The following KCND2 variants were observed in gnomAD, a reference collection of about 807,000 sequenced individuals.
The protein encoded by KCND2 is A-type voltage-gated potassium channel KCND2.
Under a neutral mutation model 54.4 loss-of-function variants are expected in KCND2, and 16 were observed. That is an observed-to-expected ratio of 0.29 (90% confidence interval 0.20 to 0.45). The LOEUF is 0.45. Among genes scored for constraint, KCND2 ranks in the 20% least tolerant of loss-of-function variants. KCND2 has a pLI of 1.00. For missense variants in KCND2, 486 were observed against 824.2 expected (o/e 0.59, Z 5.02); for synonymous variants, 317 against 310.7 (o/e 1.02, Z -0.21).
At chr7:120,723,736 A>T (rs1353579320) in intron 1 of KCND2, among the ~76,000 whole-genome samples, 3 of 152,188 alleles carry the variant, frequency 2.0e-5, no homozygotes, top group Admixed American at 6.5e-5. Flanking sequence ...CTCTTAAAAA[A>T]ATTAAAATTA....
intron 1 of KCND2, among the ~76,000 whole-genome samples, chr7:120,412,644 G>A (rs1347807872): frequency 4.6e-5 from 7 of 151,868 alleles, no homozygotes; most frequent in African/African-American, 7.3e-5. Context: ...CCCACCCTGT[G>A]CGGTCATCAA....
chr7:120,423,569 G>T (rs1294883654), intron 1 of KCND2, among the ~76,000 whole-genome samples: 1 of 152,162 alleles, frequency 6.6e-6, no homozygotes, highest in Non-Finnish European at 1.5e-5. Context: ...CTCCCATAAA[G>T]CTGTGTATCG....
chr7:120,529,546 T>C (rs1791818105), intron 1 of KCND2, among the ~76,000 whole-genome samples: 1 of 152,170 alleles, frequency 6.6e-6, no homozygotes, highest in African/African-American at 2.4e-5. Flanking sequence ...GTACGAGAAG[T>C]CACACTCTGC....
Position 120,323,458 on chromosome 7 carries a change from C to A in KCND2, c.1115+47711C>A, listed in dbSNP as rs1215236145. ...TGCTATCCCTCCCCACTCCCCCCAC[C>A]CCACAACAGTCCCCAGAGTGTGATG... On this transcript the variant is annotated intron_variant, in intron 1 of 5. Coordinates refer to ENST00000331113, the MANE Select transcript of KCND2 (RefSeq NM_012281.3). Among the ~76,000 whole-genome samples, 3 of 151,252 alleles carry A rather than the reference C, an allele frequency of 2.0e-5. No homozygotes were observed. In the East Asian group the frequency reaches 5.8e-4, roughly 29 times the overall value.
At chr7:120,733,551 T>C (rs758860479) in intron 2 of KCND2, among the ~76,000 whole-genome samples, 2 of 152,096 alleles carry the variant, frequency 1.3e-5, no homozygotes, top group Non-Finnish European at 2.9e-5. Flanking sequence ...CAGAAACAGA[T>C]TCTTGGCAAA....
At chr7:120,695,269 G>C (rs1291290208) in intron 1 of KCND2, among the ~76,000 whole-genome samples, 1 of 151,276 alleles carries the variant, frequency 6.6e-6, no homozygotes, top group Non-Finnish European at 1.5e-5. Flanking sequence ...TTTTATATAT[G>C]TATCCCATAA....
At chr7:120,503,564 C>T (rs1368894111) in intron 1 of KCND2, among the ~76,000 whole-genome samples, 1 of 151,778 alleles carries the variant, frequency 6.6e-6, no homozygotes, top group African/African-American at 2.4e-5. Context: ...TTCATTTTTC[C>T]ACCACTTCTC....
intron 1 of KCND2, among the ~76,000 whole-genome samples, chr7:120,353,711 A>T (rs1302308902): frequency 1.3e-5 from 2 of 152,150 alleles, no homozygotes; most frequent in African/African-American, 4.8e-5. Flanking sequence ...CCATAGACCT[A>T]TGGGGGTCTC....
intron 1 of KCND2, among the ~76,000 whole-genome samples, chr7:120,663,189 T>C (rs572707607): frequency 1.3e-5 from 2 of 152,278 alleles, no homozygotes; most frequent in African/African-American, 4.8e-5. Flanking sequence ...TTAGTACAAA[T>C]ATTATTACAT....
intron 1 of KCND2, among the ~76,000 whole-genome samples, chr7:120,686,612 G>A (rs931991944): frequency 2.0e-5 from 3 of 152,100 alleles, no homozygotes; most frequent in Non-Finnish European, 2.9e-5. Context: ...CAAAGTGGGG[G>A]ACTTGAGAGA....
intron 1 of KCND2, among the ~76,000 whole-genome samples, chr7:120,284,078 A>C (rs1799302986): frequency 6.6e-6 from 1 of 152,154 alleles, no homozygotes; most frequent in South Asian, 2.1e-4. Context: ...TAACAACATA[A>C]AAATGCAAAA....
rs191752951 is a variant in KCND2 at position 120,707,569 on chromosome 7, T to C, written c.1116-25334T>C. Among the ~76,000 whole-genome samples, 7 of 152,256 alleles carry C rather than the reference T, an allele frequency of 4.6e-5. No homozygotes were observed. In the East Asian group the frequency reaches 1.4e-3, roughly 29 times the overall value. The stretch of plus-strand genomic sequence containing the variant: ...ACCTACAGTAGTTGTAATATCTTAC[T>C]TTGGAGAATTAAACAAGTATGTATA... On this transcript the variant is annotated intron_variant, in intron 1 of 5. Coordinates refer to ENST00000331113, the MANE Select transcript of KCND2 (RefSeq NM_012281.3).
At chr7:120,638,521 A>G (rs942050914) in intron 1 of KCND2, among the ~76,000 whole-genome samples, 3 of 152,140 alleles carry the variant, frequency 2.0e-5, no homozygotes, top group African/African-American at 7.2e-5. Flanking sequence ...TGCTTTACCA[A>G]CTTTCAAGCT....
At chr7:120,534,352 G>A (rs59095375) in intron 1 of KCND2, among the ~76,000 whole-genome samples, 4,065 of 152,040 alleles carry the variant, frequency 0.027, 159 homozygotes, top group African/African-American at 0.091. Flanking sequence ...TACCTAACCC[G>A]GTTCATCCTC....
intron 1 of KCND2, among the ~76,000 whole-genome samples, chr7:120,357,133 G>A (rs534450225): frequency 1.2e-4 from 18 of 151,818 alleles, no homozygotes; most frequent in African/African-American, 4.4e-4. Flanking sequence ...TTTTCTAAGT[G>A]AATACTCAAA....
chr7:120,277,077 C>T (rs1799187003), intron 1 of KCND2, among the ~76,000 whole-genome samples: 1 of 152,054 alleles, frequency 6.6e-6, no homozygotes, highest in South Asian at 2.1e-4. Context: ...CAGAATTTCT[C>T]ATGTCATGTG....
intron 1 of KCND2, among the ~76,000 whole-genome samples, chr7:120,459,844 C>T (rs1802257461): frequency 6.6e-6 from 1 of 152,202 alleles, no homozygotes; most frequent in African/African-American, 2.4e-5. Flanking sequence ...CCTGTGAACT[C>T]ACAGTCCAGG....
chr7:120,472,435 G>A (rs563097955), intron 1 of KCND2, among the ~76,000 whole-genome samples: 6 of 152,024 alleles, frequency 3.9e-5, no homozygotes, highest in Middle Eastern at 6.3e-3. Flanking sequence ...ATGGGCTTCC[G>A]AATAACATTG....
At chr7:120,384,898 C>T (rs1800965609) in intron 1 of KCND2, among the ~76,000 whole-genome samples, 1 of 150,830 alleles carries the variant, frequency 6.6e-6, no homozygotes, top group Non-Finnish European at 1.5e-5. Flanking sequence ...GATTGAGTTT[C>T]GGGAAGACGA....
Sources: allele counts gnomAD v4.1 joint callset (sites outside exome capture counted in the v4.1 genomes callset), GRCh38; gene constraint gnomAD v4.1.1; transcripts MANE v1.5; gene names NCBI Gene and HGNC (gene_info 2026-07-23, HGNC 2026-07-21).